The following RBPMS variants were observed in gnomAD, a reference collection of about 807,000 sequenced individuals.
RBPMS encodes RNA binding protein, mRNA processing factor.
In RBPMS, 7 loss-of-function variants were observed where a neutral mutation model predicts 26.8. The observed-to-expected ratio is 0.26, with a 90% confidence interval of 0.15 to 0.49. The LOEUF is 0.49. Ranked by LOEUF, RBPMS falls within the 20% of genes least tolerant of loss-of-function variation. RBPMS has a pLI of 0.98. For missense variants in RBPMS, 186 were observed against 250.0 expected (o/e 0.74, Z 1.73); for synonymous variants, 96 against 93.3 (o/e 1.03, Z -0.17).
chr8:30,494,785 T>A (rs1269394154), intron 4 of RBPMS, among the ~76,000 whole-genome samples: 1 of 152,216 alleles, frequency 6.6e-6, no homozygotes, highest in Non-Finnish European at 1.5e-5. Flanking sequence ...AACCAAGACC[T>A]TCTTCTCCTG....
At chr8:30,564,488 T>TC (rs1827742441) in intron 7 of RBPMS, 1 of 152,238 alleles carries the variant, frequency 6.6e-6, no homozygotes, top group Non-Finnish European at 1.5e-5. Flanking sequence ...ACACTGTCAG[T>TC]CCTGTGGACG....
intron 1 of RBPMS, among the ~76,000 whole-genome samples, chr8:30,461,507 G>A (rs781130983): frequency 6.6e-5 from 10 of 152,130 alleles, no homozygotes; most frequent in Non-Finnish European, 1.3e-4. Flanking sequence ...TGATTCTCCT[G>A]CCTCAGCCTC....
chr8:30,419,100 A>G (rs1314881649), intron 1 of RBPMS, among the ~76,000 whole-genome samples: 1 of 151,216 alleles, frequency 6.6e-6, no homozygotes, highest in Non-Finnish European at 1.5e-5. Flanking sequence ...AATAAACTTC[A>G]GTAAGATGTC....
intron 1 of RBPMS, among the ~76,000 whole-genome samples, chr8:30,409,118 G>A (rs1257798751): frequency 6.6e-6 from 1 of 151,766 alleles, no homozygotes; most frequent in African/African-American, 2.4e-5. Flanking sequence ...GGTTGTTGAC[G>A]CTTTTTACAT....
chr8:30,465,893 G>T (rs1265116745), intron 1 of RBPMS, among the ~76,000 whole-genome samples: 1 of 152,184 alleles, frequency 6.6e-6, no homozygotes, highest in East Asian at 1.9e-4. Context: ...TGAACATAGT[G>T]GTGTGGTATA....
intron 1 of RBPMS, among the ~76,000 whole-genome samples, chr8:30,424,310 A>G (rs564280311): frequency 2.6e-5 from 4 of 152,348 alleles, no homozygotes; most frequent in Admixed American, 2.6e-4. Context: ...AATCCACAAC[A>G]TAGAGTTGCA....
intron 1 of RBPMS, among the ~76,000 whole-genome samples, chr8:30,424,895 G>T (rs75828801): frequency 4.0e-5 from 6 of 151,814 alleles, no homozygotes; most frequent in Non-Finnish European, 2.9e-5. Flanking sequence ...GTACACGCGC[G>T]CACACACACA....
intron 1 of RBPMS, among the ~76,000 whole-genome samples, chr8:30,440,370 CT>C (rs1812938056): frequency 6.6e-6 from 1 of 152,182 alleles, no homozygotes; most frequent in African/African-American, 2.4e-5. Flanking sequence ...CCTCTAACCC[CT>C]TGGCAACCAG....
intron 1 of RBPMS, among the ~76,000 whole-genome samples, chr8:30,464,798 A>G (rs1816319389): frequency 6.6e-6 from 1 of 152,186 alleles, no homozygotes; most frequent in African/African-American, 2.4e-5. Context: ...GATCTTTTTC[A>G]TATTCTGTGC....
intron 4 of RBPMS, among the ~76,000 whole-genome samples, chr8:30,499,390 A>G (rs1216689945): frequency 1.3e-5 from 2 of 152,226 alleles, no homozygotes; most frequent in Non-Finnish European, 2.9e-5. Context: ...TTGAAAAACA[A>G]CATATTTATA....
At chr8:30,455,471 T>C (rs1248098219) in intron 1 of RBPMS, among the ~76,000 whole-genome samples, 1 of 151,854 alleles carries the variant, frequency 6.6e-6, no homozygotes, top group Non-Finnish European at 1.5e-5. Flanking sequence ...GTATAAACAA[T>C]GCATTAGGAG....
intron 1 of RBPMS, chr8:30,444,996 G>A (rs1330749436): frequency 1.3e-5 from 2 of 152,050 alleles, no homozygotes; most frequent in African/African-American, 4.8e-5. Context: ...CAACTTAAAT[G>A]CTTCTAAGAT....
At chr8:30,547,572 G>GGTGTTACTCTCA in intron 6 of RBPMS, 2 of 1,183,786 alleles carry the variant, frequency 1.7e-6, no homozygotes, top group Non-Finnish European at 1.2e-6. Context: ...TTGGAGCAAA[G>GGTGTTACTCTCA]GTGTTACTCT....
intron 1 of RBPMS, among the ~76,000 whole-genome samples, chr8:30,421,907 A>G (rs956121362): frequency 5.3e-5 from 8 of 151,954 alleles, no homozygotes; most frequent in Non-Finnish European, 8.8e-5. Flanking sequence ...GTAAGTCAAG[A>G]TCGCAACACT....
chr8:30,494,585 G>A (rs1309582108), intron 4 of RBPMS, among the ~76,000 whole-genome samples: 1 of 152,222 alleles, frequency 6.6e-6, no homozygotes, highest in Non-Finnish European at 1.5e-5. Context: ...TAGGAAGTCA[G>A]ACTCTTAAAT....
intron 2 of RBPMS, among the ~76,000 whole-genome samples, chr8:30,475,968 A>T (rs993822591): frequency 1.4e-4 from 21 of 152,054 alleles, no homozygotes; most frequent in Admixed American, 6.6e-4. Flanking sequence ...CTTTTATAGA[A>T]TTTCCTGAGT....
chr8:30,551,604 CT>C (rs1826386424), intron 6 of RBPMS, among the ~76,000 whole-genome samples: 2 of 152,146 alleles, frequency 1.3e-5, no homozygotes, highest in Non-Finnish European at 2.9e-5. Flanking sequence ...GCCTTCTCCC[CT>C]GTCCTTAATA....
In RBPMS at chr8:30,545,204, T is replaced by C; in HGVS notation, c.528+580T>C. The stretch of plus-strand genomic sequence containing the variant: ...AGGAGATACAAGATAGTGTCTAAGA[T>C]GGAATTACAGGTCAAGGTAGAGATC... On this transcript the variant is annotated intron_variant, in intron 6 of 8. Transcript: ENST00000397323. 2.3e-6 allele frequency: 3 copies of C among 1,291,138 alleles called. No individual in the cohort carries two copies. The South Asian group carries it at 3.7e-5, about 16-fold the overall frequency. 80.0% of individuals were successfully genotyped at this position (1,291,138 alleles called of 1,614,324 possible).
At chr8:30,469,260 A>G (rs995411241) in intron 1 of RBPMS, among the ~76,000 whole-genome samples, 2 of 152,214 alleles carry the variant, frequency 1.3e-5, no homozygotes, top group Non-Finnish European at 2.9e-5. Flanking sequence ...CTCTCCAGGG[A>G]AGCTCAAGAC....
Sources: gnomAD v4.1 joint callset for allele counts (sites outside exome capture counted in the v4.1 genomes callset) on GRCh38, gnomAD v4.1.1 for gene constraint, MANE v1.5 for transcripts, NCBI Gene and HGNC (gene_info 2026-07-23, HGNC 2026-07-21) for gene names.